ASNS: variants seen among roughly 807,000 people sequenced by gnomAD.
ASNS encodes the protein asparagine synthetase (glutamine-hydrolyzing).
In ASNS, 37 loss-of-function variants were observed where a neutral mutation model predicts 62.6. The ratio of observed to expected loss-of-function variants is 0.59; its 90% CI spans 0.45 to 0.78. The LOEUF is 0.78. Among genes scored for constraint, ASNS ranks in the 30% least tolerant of loss-of-function variants. The pLI, the probability that ASNS is intolerant of heterozygous loss-of-function variation, is 0.00. For synonymous variants in ASNS, 207 were observed against 237.9 expected, an observed-to-expected ratio of 0.87 and a Z score of 1.19; for missense variants, 520 against 682.4, an observed-to-expected ratio of 0.76 and a Z score of 2.65.
Position 97,852,258 on chromosome 7 carries a change from C to T in ASNS, c.*1G>A, listed in dbSNP as rs1791212711. 3.7e-6 allele frequency: 6 copies of T among 1,614,066 alleles called. No individual in the cohort carries two copies. The highest frequency in any genetic ancestry group is 4.2e-6 in the Non-Finnish European group (5 of 1,180,010). On this transcript the variant is annotated 3_prime_UTR_variant, in exon 13 of 13. Transcript: ENST00000394308. ...CTTTCACATTACAGCATAAAGACCA[C>T]CTAAGCTTTGACAGCTGACTTGTAG...
the ASNS span, among the ~76,000 whole-genome samples, chr7:97,886,362 C>T: frequency 2.0e-5 from 3 of 152,058 alleles, no homozygotes; most frequent in South Asian, 4.2e-4. Context: ...TTGGCCAGGA[C>T]GGTCTCAATC....
At chr7:97,918,599 A>G in the ASNS span, among the ~76,000 whole-genome samples, 1 of 152,240 alleles carries the variant, frequency 6.6e-6, no homozygotes, top group Admixed American at 6.5e-5. Context: ...TTCCATTTTT[A>G]CTTTTTAAAA....
chr7:97,923,577 C>T, the ASNS span, among the ~76,000 whole-genome samples: 6 of 152,192 alleles, frequency 3.9e-5, no homozygotes, highest in Admixed American at 3.3e-4. Context: ...CAGGCAATCA[C>T]GGTCATTTCC....
At chr7:97,908,019 CA>C in the ASNS span, among the ~76,000 whole-genome samples, 1 of 152,018 alleles carries the variant, frequency 6.6e-6, no homozygotes, top group Non-Finnish European at 1.5e-5. Flanking sequence ...ATGACCATGA[CA>C]AAAGGCTAGT....
chr7:97,901,005 T>C, the ASNS span, among the ~76,000 whole-genome samples: 2 of 152,376 alleles, frequency 1.3e-5, no homozygotes, highest in South Asian at 4.1e-4. Context: ...CACAGTTATA[T>C]GGCAAATTTT....
intron 1 of ASNS, among the ~76,000 whole-genome samples, chr7:97,870,549 T>A (rs981166497): frequency 1.3e-5 from 2 of 152,192 alleles, no homozygotes; most frequent in South Asian, 4.1e-4. Flanking sequence ...ATGAAAATCA[T>A]CTCAAGCAAT....
chr7:97,892,591 C>A, the ASNS span, among the ~76,000 whole-genome samples: 1 of 152,026 alleles, frequency 6.6e-6, no homozygotes, highest in Non-Finnish European at 1.5e-5. Flanking sequence ...GAAATTTCTT[C>A]TATCAGATAC....
chr7:97,883,860 C>T, the ASNS span, among the ~76,000 whole-genome samples: 15 of 152,018 alleles, frequency 9.9e-5, no homozygotes, highest in African/African-American at 3.4e-4. Context: ...TGGTGGCGGG[C>T]GCCTGTAGTC....
At chr7:97,898,088 CG>C in the ASNS span, among the ~76,000 whole-genome samples, 3 of 151,892 alleles carry the variant, frequency 2.0e-5, no homozygotes, top group African/African-American at 7.3e-5. Flanking sequence ...CCACCAAGCG[CG>C]GATACTTTTT....
At position 97,856,684 on chromosome 7, in the gene ASNS, C is replaced by G; in HGVS notation, c.1030+6G>C. The G allele has an allele frequency of 6.3e-7, 1 of 1,592,364 alleles. No individual in the cohort carries two copies. The highest frequency in any genetic ancestry group is 8.5e-7 in the Non-Finnish European group (1 of 1,171,622). On this transcript the variant is annotated splice_donor_region_variant and intron_variant, in intron 8 of 12. Coordinates refer to ENST00000394308, the MANE Select transcript of ASNS (RefSeq NM_001673.5). ...CTTTTTATTTAAGAATATCATAATA[C>G]CTTACCTACTGAAGCACGAACTGTT...
the ASNS span, among the ~76,000 whole-genome samples, chr7:97,918,398 CG>C: frequency 2.0e-5 from 3 of 152,214 alleles, no homozygotes; most frequent in Admixed American, 2.0e-4. Context: ...ATCAGAACAC[CG>C]TCTGTGATTG....
At chr7:97,903,428 A>G in the ASNS span, among the ~76,000 whole-genome samples, 14 of 152,236 alleles carry the variant, frequency 9.2e-5, no homozygotes, top group African/African-American at 3.4e-4. Context: ...ATACACTGCC[A>G]TTTACATGCA....
At position 97,858,891 on chromosome 7, in the gene ASNS, A is replaced by C; in HGVS notation, c.738T>G (p.Arg246=). The change falls in exon 6 of 13, where the codon CGT becomes CGG. Residue 246 remains arginine, a synonymous_variant. Coordinates refer to ENST00000394308, the MANE Select transcript of ASNS (RefSeq NM_001673.5). ...AGCCAATCCTTCTGTCTGTCATCAAACGTTTCTTTACAGCATTATTAAAAA... is the reference window on the plus strand; with the variant it reads ...AGCCAATCCTTCTGTCTGTCATCAACCGTTTCTTTACAGCATTATTAAAAA... The part of the protein sequence containing the change: ...RILFNNAVKK[R]LMTDRRIGCL... 1 of 1,613,756 alleles carries C rather than the reference A, an allele frequency of 6.2e-7. No homozygotes were observed. The highest frequency in any genetic ancestry group is 1.1e-5 in the South Asian group (1 of 90,942).
At chr7:97,894,474 G>A in the ASNS span, among the ~76,000 whole-genome samples, 1,959 of 74,196 alleles carry the variant, frequency 0.026, no homozygotes, top group South Asian at 0.038. Context: ...CACTAGTGAG[G>A]CTAACCAAAA....
chr7:97,854,731 GT>G (rs760749943), intron 9 of ASNS, 51 bp from the exon 10 acceptor site: 17 of 1,611,618 alleles, frequency 1.1e-5, no homozygotes, highest in Non-Finnish European at 1.4e-5. Flanking sequence ...ACACAAAGCA[GT>G]TTTTCTTTCT....
At chr7:97,861,097 C>T (rs2115678985) in intron 4 of ASNS, among the ~76,000 whole-genome samples, 1 of 142,990 alleles carries the variant, frequency 7.0e-6, no homozygotes, top group East Asian at 2.1e-4. Flanking sequence ...TCTCGGCTTA[C>T]CGCAAGCTCC....
At chr7:97,870,377 A>C in intron 1 of ASNS, 1 of 317,300 alleles carries the variant, frequency 3.2e-6, no homozygotes, top group Non-Finnish European at 5.8e-6. Context: ...ATTGCAGCAA[A>C]TGCCCAAATA....
chr7:97,858,499 T>C lies in ASNS; in HGVS notation c.776-94A>G, dbSNP rs866610593. Reference sequence around the variant, plus strand: ...ATATTCCTGATAAACACCAAGATCATAGTTTTACTATTTAAAATCCGCCAA... The same window carrying C: ...ATATTCCTGATAAACACCAAGATCACAGTTTTACTATTTAAAATCCGCCAA... On this transcript the variant is annotated intron_variant, in intron 6 of 12. Coordinates refer to ENST00000394308, the MANE Select transcript of ASNS (RefSeq NM_001673.5). 69 of 1,460,414 alleles carry C rather than the reference T, an allele frequency of 4.7e-5. 1 individual carries two copies. In the Middle Eastern group the frequency reaches 7.2e-4, roughly 15 times the overall value. The allele number at this position is 1,460,414 out of a possible 1,614,324, so 90.5% of individuals were successfully genotyped here.
chr7:97,859,069 A>G, intron 5 of ASNS, 114 bp from the exon 6 acceptor site: 2 of 1,370,454 alleles, frequency 1.5e-6, no homozygotes, highest in Non-Finnish European at 2.0e-6. Context: ...TCAATGGTGG[A>G]GTGTGCCAAA....
Sources: allele counts gnomAD v4.1 joint callset (sites outside exome capture counted in the v4.1 genomes callset), GRCh38; gene constraint gnomAD v4.1.1; transcripts MANE v1.5; gene names NCBI Gene and HGNC (gene_info 2026-07-23, HGNC 2026-07-21).